TMTC1: variants seen among roughly 807,000 people sequenced by gnomAD.
TMTC1 encodes transmembrane O-mannosyltransferase targeting cadherins 1.
TMTC1 carries 73 observed loss-of-function variants against 104.8 expected under a neutral mutation model. That is an observed-to-expected ratio of 0.70 (90% CI 0.58 to 0.85). The LOEUF (loss-of-function observed/expected upper bound fraction) is 0.85, where lower values mean the gene tolerates loss of function less well. Among genes scored for constraint, TMTC1 ranks in the 40% least tolerant of loss-of-function variants. The pLI is 0.00. For synonymous variants in TMTC1, 434 were observed against 428.7 expected, an observed-to-expected ratio of 1.01 and a Z score of -0.15; for missense variants, 1,035 against 1,096.1, an observed-to-expected ratio of 0.94 and a Z score of 0.79.
At chr12:29,698,808 C>G (rs1941498894) in intron 5 of TMTC1, among the ~76,000 whole-genome samples, 1 of 152,122 alleles carries the variant, frequency 6.6e-6, no homozygotes, top group African/African-American at 2.4e-5. Flanking sequence ...TGTTACAGAT[C>G]CCTGGAGCCC....
At chr12:29,689,760 CCCTT>C (rs2136750978) in intron 5 of TMTC1, among the ~76,000 whole-genome samples, 1 of 152,234 alleles carries the variant, frequency 6.6e-6, no homozygotes, top group East Asian at 1.9e-4. Flanking sequence ...TAAATGTGCT[CCCTT>C]CTGTTTGTGT....
chr12:29,761,070 T>C lies in TMTC1; in HGVS notation c.481-2293A>G, dbSNP rs559492839. On this transcript the variant is annotated intron_variant, in intron 2 of 17. Transcript: ENST00000539277. The stretch of plus-strand genomic sequence containing the variant: ...AACATATTAATAAGTATTATATGTT[T>C]ATATTACAGTTATAGAATATATTAA... Among the ~76,000 whole-genome samples, 730 of 148,008 alleles carry C rather than the reference T, an allele frequency of 4.9e-3. 7 individuals carry two copies. The highest frequency in any genetic ancestry group is 0.017 in the African/African-American group (692 of 40,894).
chr12:29,527,489 C>T (rs1022120733), intron 11 of TMTC1, among the ~76,000 whole-genome samples: 2 of 152,244 alleles, frequency 1.3e-5, no homozygotes, highest in South Asian at 2.1e-4. Context: ...AGATACTGTA[C>T]ACCTGTCATG....
intron 2 of TMTC1, among the ~76,000 whole-genome samples, chr12:29,766,762 G>A (rs1592030442): frequency 6.6e-6 from 1 of 152,204 alleles, no homozygotes; most frequent in Non-Finnish European, 1.5e-5. Context: ...GATGCAAGCT[G>A]AAACTCTGGA....
intron 5 of TMTC1, among the ~76,000 whole-genome samples, chr12:29,737,790 T>C: frequency 6.6e-6 from 1 of 152,166 alleles, no homozygotes; most frequent in South Asian, 2.1e-4. Context: ...TCCCGGAGCC[T>C]TGCTTTCCAC....
chr12:29,671,020 G>A (rs1244861998), intron 5 of TMTC1, among the ~76,000 whole-genome samples: 12 of 151,010 alleles, frequency 7.9e-5, no homozygotes, highest in Admixed American at 5.3e-4. Flanking sequence ...TCAGCCAGGC[G>A]CAGTGGCTTA....
chr12:29,702,189 C>G (rs1380802546), intron 5 of TMTC1, among the ~76,000 whole-genome samples: 2 of 152,152 alleles, frequency 1.3e-5, no homozygotes, highest in East Asian at 3.8e-4. Context: ...AATATAAATT[C>G]TACCTGTTTA....
At chr12:29,675,623 CACACACA>C (rs1565760105) in intron 5 of TMTC1, among the ~76,000 whole-genome samples, 1 of 81,456 alleles carries the variant, frequency 1.2e-5, no homozygotes, top group Non-Finnish European at 2.3e-5. Flanking sequence ...CACACACACA[CACACACA>C]CCCTCCATGA....
chr12:29,577,923 A>G (rs917900550), intron 8 of TMTC1, among the ~76,000 whole-genome samples: 1 of 152,130 alleles, frequency 6.6e-6, no homozygotes, highest in Non-Finnish European at 1.5e-5. Flanking sequence ...GGCTTTAATA[A>G]TCAAATTTCT....
At chr12:29,627,687 C>A (rs1938072126) in intron 6 of TMTC1, among the ~76,000 whole-genome samples, 1 of 17,002 alleles carries the variant, frequency 5.9e-5, no homozygotes. Flanking sequence ...TTTTAGTAGT[C>A]CAAAAAAAAA....
chr12:29,531,035 C>A (rs919665972), intron 11 of TMTC1, among the ~76,000 whole-genome samples: 3 of 152,152 alleles, frequency 2.0e-5, no homozygotes, highest in Non-Finnish European at 4.4e-5. Flanking sequence ...TCCCTTTGCA[C>A]AGTTGTTACG....
chr12:29,594,184 T>A (rs1946351356), intron 7 of TMTC1, among the ~76,000 whole-genome samples: 1 of 152,186 alleles, frequency 6.6e-6, no homozygotes, highest in Non-Finnish European at 1.5e-5. Flanking sequence ...ACTCTAAAAC[T>A]GCCTCCAAAA....
In TMTC1 at chr12:29,572,102, T is replaced by A. The variant is rs1945694711; in HGVS notation, c.1532+3A>T. The A allele has an allele frequency of 6.2e-7, 1 of 1,612,252 alleles. No homozygotes were observed. Among genetic ancestry groups the A allele is most frequent in the Non-Finnish European group, 8.5e-7 (1 of 1,178,542 alleles). The stretch of plus-strand genomic sequence containing the variant: ...GCCAACACCCTCCCTGTGTGGCGCT[T>A]ACTTGAGAGCTGTTCTGTAGTGGTA... On this transcript the variant is annotated splice_donor_region_variant and intron_variant, in intron 9 of 17. Transcript: ENST00000539277.
intron 5 of TMTC1, among the ~76,000 whole-genome samples, chr12:29,743,572 T>C (rs1457280663): frequency 2.0e-5 from 3 of 152,094 alleles, no homozygotes; most frequent in African/African-American, 4.8e-5. Flanking sequence ...TCATATTGAG[T>C]CTACAATACA....
chr12:29,522,732 C>G (rs187974921), intron 11 of TMTC1, among the ~76,000 whole-genome samples: 1 of 152,112 alleles, frequency 6.6e-6, no homozygotes. Flanking sequence ...TGGTTAAGAA[C>G]GAGGCTCCCA....
chr12:29,701,855 G>C (rs984808179), intron 5 of TMTC1, among the ~76,000 whole-genome samples: 11 of 152,078 alleles, frequency 7.2e-5, no homozygotes, highest in Admixed American at 6.5e-4. Context: ...AAAGGCCTAA[G>C]TTTTCTTAAG....
intron 8 of TMTC1, among the ~76,000 whole-genome samples, chr12:29,579,638 G>A (rs1945920965): frequency 6.6e-6 from 1 of 152,190 alleles, no homozygotes; most frequent in African/African-American, 2.4e-5. Context: ...AAGATTAGGA[G>A]AGGGAAGAGG....
chr12:29,713,494 T>C (rs1048727748), intron 5 of TMTC1, among the ~76,000 whole-genome samples: 2 of 151,908 alleles, frequency 1.3e-5, no homozygotes, highest in African/African-American at 4.8e-5. Context: ...ATTTGAAAAA[T>C]ATGAGGTCAC....
At chr12:29,772,641 A>G (rs1207189858) in intron 1 of TMTC1, among the ~76,000 whole-genome samples, 1 of 152,188 alleles carries the variant, frequency 6.6e-6, no homozygotes, top group Non-Finnish European at 1.5e-5. Context: ...TCAAAGTAGG[A>G]GGTAACACTG....
Sources: allele counts gnomAD v4.1 joint callset (sites outside exome capture counted in the v4.1 genomes callset), GRCh38; gene constraint gnomAD v4.1.1; transcripts MANE v1.5; gene names NCBI Gene and HGNC (gene_info 2026-07-23, HGNC 2026-07-21).